Variants in KCTD20 observed in about 807,000 individuals in gnomAD.
KCTD20 encodes potassium channel tetramerization domain containing 20, also known as BTB/POZ domain-containing protein KCTD20.
In KCTD20, 30 loss-of-function variants were observed where a neutral mutation model predicts 39.6. The observed-to-expected ratio is 0.76, with a 90% CI of 0.57 to 1.03. KCTD20 has a LOEUF of 1.03. Among genes scored for constraint, KCTD20 ranks in the 50% least tolerant of loss-of-function variants. The pLI is 0.00. For synonymous variants in KCTD20, 162 were observed against 180.6 expected (o/e 0.90, Z 0.83); for missense variants, 422 against 522.0 (o/e 0.81, Z 1.87).
chr6:36,467,873 A>G (rs1012725665), intron 1 of KCTD20, among the ~76,000 whole-genome samples: 13 of 152,218 alleles, frequency 8.5e-5, no homozygotes, highest in African/African-American at 3.1e-4. Context: ...ATGGTTCTCA[A>G]GAACATTTAG....
At chr6:36,481,201 T>C (rs1194820462) in intron 5 of KCTD20, among the ~76,000 whole-genome samples, 3 of 152,254 alleles carry the variant, frequency 2.0e-5, no homozygotes, top group Non-Finnish European at 2.9e-5. Flanking sequence ...ATTATGGTAC[T>C]CTAACTCCAT....
At chr6:36,453,240 G>A (rs973458630) in intron 1 of KCTD20, among the ~76,000 whole-genome samples, 4 of 151,466 alleles carry the variant, frequency 2.6e-5, no homozygotes, top group Non-Finnish European at 5.9e-5. Flanking sequence ...TTGAACTCCT[G>A]ACCTCAAGTG....
At chr6:36,478,052 G>A (rs1364582750) in intron 3 of KCTD20, among the ~76,000 whole-genome samples, 1 of 144,174 alleles carries the variant, frequency 6.9e-6, no homozygotes, top group Non-Finnish European at 1.5e-5. Context: ...CCGAGATCGC[G>A]CCACTGCACT....
chr6:36,458,718 G>A (rs1402347495), intron 1 of KCTD20, among the ~76,000 whole-genome samples: 1 of 151,742 alleles, frequency 6.6e-6, no homozygotes, highest in Non-Finnish European at 1.5e-5. Context: ...TTGGCCAAGT[G>A]AGGTGGCCAT....
At chr6:36,445,027 C>T (rs1774995831) in intron 1 of KCTD20, among the ~76,000 whole-genome samples, 1 of 152,016 alleles carries the variant, frequency 6.6e-6, no homozygotes, top group Non-Finnish European at 1.5e-5. Flanking sequence ...TTTGGGAAGC[C>T]GAGGCAGATG....
In KCTD20 at chr6:36,487,149, A is replaced by T. The variant is rs1191127559; in HGVS notation, c.1234A>T (p.Met412Leu). Reference sequence around the variant, plus strand: ...CCGGCTAAATGCCCCACTTTCTCAGATGGCTTCTAACGACTTTCAGGATTA... The same window carrying T: ...CCGGCTAAATGCCCCACTTTCTCAGTTGGCTTCTAACGACTTTCAGGATTA... ...LDRLNAPLSQ[M>L]ASNDFQD is the part of the protein sequence containing the mutation. The change falls in exon 8 of 8, where the codon ATG becomes TTG. Residue 412 changes from methionine (M) to leucine (L), a missense_variant. By Grantham distance (15) the Met-to-Leu change is conservative. Transcript: ENST00000373731. The T allele has an allele frequency of 6.2e-7, 1 of 1,613,648 alleles. No individual in the cohort carries two copies. The highest frequency in any genetic ancestry group is 8.5e-7 in the Non-Finnish European group (1 of 1,179,700).
At chr6:36,473,720 C>G (rs1341439124) in intron 2 of KCTD20, among the ~76,000 whole-genome samples, 2 of 151,990 alleles carry the variant, frequency 1.3e-5, no homozygotes, top group African/African-American at 4.8e-5. Context: ...TTGCAGTGAG[C>G]TGAGATCGCG....
rs879815921 is a variant in KCTD20, at chr6:36,484,267, T to A, written c.857-447T>A. ...TTTTAGTTTTCAAGAGCCATTGTAATTTCCTTTTTTGTTAATAGTGTTTGT... is the reference window on the plus strand; with the variant it reads ...TTTTAGTTTTCAAGAGCCATTGTAAATTCCTTTTTTGTTAATAGTGTTTGT... On this transcript the variant is annotated intron_variant, in intron 6 of 7. Transcript: ENST00000373731. 2.9e-4 allele frequency among the ~76,000 whole-genome samples: 44 copies of A among 152,202 alleles called. 1 individual carries two copies. The highest frequency in any genetic ancestry group is 5.9e-5 in the Non-Finnish European group (4 of 68,040).
At chr6:36,453,807 G>A (rs1286906711) in intron 1 of KCTD20, among the ~76,000 whole-genome samples, 4 of 152,144 alleles carry the variant, frequency 2.6e-5, no homozygotes, top group Non-Finnish European at 5.9e-5. Flanking sequence ...ACTGTGCCCG[G>A]CCTCTAATAT....
At chr6:36,475,442 C>A (rs1776035504) in intron 3 of KCTD20, among the ~76,000 whole-genome samples, 1 of 151,246 alleles carries the variant, frequency 6.6e-6, no homozygotes, top group Non-Finnish European at 1.5e-5. Flanking sequence ...GAGCAAGACT[C>A]CCGTCTCAAA....
In KCTD20 at chr6:36,487,372, T is replaced by G. The variant is rs1237093693; in HGVS notation, c.*197T>G. Reference sequence around the variant, plus strand: ...GGGATGAAGAAGTACTCACTGGTAATTAGCTACCATCTTTGCAGCAGCCCT... The same window carrying G: ...GGGATGAAGAAGTACTCACTGGTAAGTAGCTACCATCTTTGCAGCAGCCCT... On this transcript the variant is annotated 3_prime_UTR_variant, in exon 8 of 8. Transcript: ENST00000373731. The G allele has an allele frequency of 1.7e-6, 1 of 588,244 alleles. No individual in the cohort carries two copies. The highest frequency in any genetic ancestry group is 3.2e-5 in the Admixed American group (1 of 30,890). 36.4% of individuals were successfully genotyped at this position (588,244 alleles called of 1,614,324 possible).
At chr6:36,453,466 G>T (rs565752771) in intron 1 of KCTD20, among the ~76,000 whole-genome samples, 5 of 151,254 alleles carry the variant, frequency 3.3e-5, no homozygotes, top group Admixed American at 6.6e-5. Context: ...CCTGCCTTGA[G>T]AAAGATACTT....
intron 1 of KCTD20, chr6:36,443,621 AC>A (rs959600101): frequency 6.6e-6 from 1 of 152,118 alleles, no homozygotes; most frequent in African/African-American, 2.4e-5. Context: ...CTTCCCTGCC[AC>A]CCGCAAATTG....
At chr6:36,457,996 T>A (rs1775487966) in intron 1 of KCTD20, among the ~76,000 whole-genome samples, 1 of 152,066 alleles carries the variant, frequency 6.6e-6, no homozygotes, top group Non-Finnish European at 1.5e-5. Flanking sequence ...GGTGGGTGAT[T>A]GGGAGACCAT....
In KCTD20 at chr6:36,484,731, C is replaced by A. The variant is rs1479837791; in HGVS notation, c.874C>A (p.Leu292Ile). The A allele has an allele frequency of 1.3e-6, 2 of 1,585,128 alleles. No individual in the cohort carries two copies. The highest frequency in any genetic ancestry group is 1.7e-5 in the Admixed American group (1 of 58,534). Residue 292 changes from leucine to isoleucine, a missense_variant, in exon 7 of 8, where the codon CTC (leucine) becomes ATC (isoleucine). By Grantham distance (5) the Leu-to-Ile change is conservative (BLOSUM62 2). Transcript: ENST00000373731. ...EYSQILYSSK[L>I]YRFFKYIENR... Reference sequence around the variant, plus strand: ...TTTTTCAGTTCTTTATAGCTCCAAGCTCTACAGATTCTTCAAATATATTGA... The same window carrying A: ...TTTTTCAGTTCTTTATAGCTCCAAGATCTACAGATTCTTCAAATATATTGA...
At chr6:36,463,152 T>A (rs1323051610) in intron 1 of KCTD20, among the ~76,000 whole-genome samples, 1 of 152,228 alleles carries the variant, frequency 6.6e-6, no homozygotes, top group Admixed American at 6.5e-5. Flanking sequence ...TTTCTTTCTC[T>A]TTCATATGGT....
rs1403103953 is a variant in KCTD20, at chr6:36,443,055, G to A, written c.-103G>A. The A allele has an allele frequency of 6.6e-6, 1 of 151,550 alleles. No individual in the cohort carries two copies. The allele number at this position is 151,550 out of a possible 1,614,324, so 9.4% of individuals were successfully genotyped here. On this transcript the variant is annotated 5_prime_UTR_variant, in exon 1 of 8. Coordinates refer to ENST00000373731, the MANE Select transcript of KCTD20 (RefSeq NM_173562.5). ...TGCGGCTTCTGGCTGCGCGGCCTGC[G>A]CGCGCCTCCCGGGCGGATTCCAGCC... is the stretch of plus-strand genomic sequence containing the variant.
At chr6:36,476,129 C>A (rs1002384717) in intron 3 of KCTD20, among the ~76,000 whole-genome samples, 2 of 152,142 alleles carry the variant, frequency 1.3e-5, no homozygotes, top group Non-Finnish European at 2.9e-5. Context: ...AGAGCCTGGG[C>A]TAGGAGTAAA....
intron 1 of KCTD20, among the ~76,000 whole-genome samples, chr6:36,446,036 T>TTTTTTTC (rs1157140178): frequency 6.7e-6 from 1 of 149,344 alleles, no homozygotes; most frequent in Non-Finnish European, 1.5e-5. Flanking sequence ...TTTTTTTTTT[T>TTTTTTTC]TTCTTTTGAG....
Sources: allele counts gnomAD v4.1 joint callset (sites outside exome capture counted in the v4.1 genomes callset), GRCh38; gene constraint gnomAD v4.1.1; transcripts MANE v1.5; gene names NCBI Gene and HGNC (gene_info 2026-07-23, HGNC 2026-07-21).